The following RAB2A variants were observed in gnomAD, a reference collection of about 807,000 sequenced individuals.
RAB2A encodes ras-related protein Rab-2A.
In RAB2A, 7 loss-of-function variants were observed where a neutral mutation model predicts 32.5. That is an observed-to-expected ratio of 0.22 (90% CI 0.12 to 0.40). RAB2A has a LOEUF of 0.40. Among genes scored for constraint, RAB2A ranks in the 10% least tolerant of loss-of-function variants. The pLI, the probability that RAB2A is intolerant of heterozygous loss-of-function variation, is 1.00. For synonymous variants in RAB2A, 79 were observed against 85.2 expected (o/e 0.93, Z 0.40); for missense variants, 108 against 260.7 (o/e 0.41, Z 4.03).
chr8:60,561,448 C>T (rs1453937121), intron 2 of RAB2A, among the ~76,000 whole-genome samples: 3 of 152,186 alleles, frequency 2.0e-5, no homozygotes, highest in Non-Finnish European at 2.9e-5. Context: ...AGCCTGGAAC[C>T]AGAGCTCAGA....
intron 6 of RAB2A, among the ~76,000 whole-genome samples, chr8:60,614,861 A>G (rs1804423030): frequency 6.6e-6 from 1 of 152,166 alleles, no homozygotes; most frequent in African/African-American, 2.4e-5. Flanking sequence ...GGGAAAGGAA[A>G]GGCTAGTGGT....
intron 6 of RAB2A, among the ~76,000 whole-genome samples, chr8:60,603,527 ACG>A (rs1804174077): frequency 6.6e-6 from 1 of 152,262 alleles, no homozygotes; most frequent in Non-Finnish European, 1.5e-5. Context: ...AAAAGAGGCA[ACG>A]TGGTAAATGA....
intron 3 of RAB2A, among the ~76,000 whole-genome samples, chr8:60,582,321 A>G (rs1360704156): frequency 2.0e-5 from 3 of 152,154 alleles, no homozygotes. Context: ...TGTCTAATTT[A>G]GCATGACATT....
At chr8:60,527,713 T>C (rs1455772604) in intron 1 of RAB2A, among the ~76,000 whole-genome samples, 1 of 152,252 alleles carries the variant, frequency 6.6e-6, no homozygotes, top group African/African-American at 2.4e-5. Context: ...CCTGCTCATT[T>C]ACCCTAATCA....
At chr8:60,546,977 G>A (rs964541082) in intron 1 of RAB2A, among the ~76,000 whole-genome samples, 5 of 148,558 alleles carry the variant, frequency 3.4e-5, no homozygotes, top group African/African-American at 1.3e-4. Context: ...GACAATAGTG[G>A]AGGGAAGGTC....
At chr8:60,605,986 T>A (rs181980408) in intron 6 of RAB2A, among the ~76,000 whole-genome samples, 2,117 of 152,002 alleles carry the variant, frequency 0.014, 26 homozygotes, top group Non-Finnish European at 0.02. Context: ...TCATCTGTAC[T>A]AAAAATACAA....
chr8:60,598,962 A>AAAAAAAAAAAAAAAAAG, intron 6 of RAB2A, among the ~76,000 whole-genome samples: 2 of 145,934 alleles, frequency 1.4e-5, no homozygotes, highest in African/African-American at 5.3e-5. Flanking sequence ...AAAAAAAAAA[A>AAAAAAAAAAAAAAAAAG]AAAAGAAAAG....
intron 2 of RAB2A, among the ~76,000 whole-genome samples, chr8:60,563,940 G>T (rs1331516783): frequency 6.6e-6 from 1 of 152,102 alleles, no homozygotes; most frequent in East Asian, 1.9e-4. Flanking sequence ...CTAAACCATA[G>T]GTTAAATCTA....
At chr8:60,535,131 G>A (rs1807538600) in intron 1 of RAB2A, among the ~76,000 whole-genome samples, 1 of 152,066 alleles carries the variant, frequency 6.6e-6, no homozygotes. Flanking sequence ...AATCAAAATT[G>A]TCTGTTTCAC....
intron 1 of RAB2A, among the ~76,000 whole-genome samples, chr8:60,553,240 C>T (rs974480288): frequency 6.6e-6 from 1 of 152,164 alleles, no homozygotes; most frequent in African/African-American, 2.4e-5. Flanking sequence ...GCTGGACAAG[C>T]AAGTCTGAAA....
chr8:60,584,470 T>C (rs879319461), intron 4 of RAB2A, among the ~76,000 whole-genome samples, 180 bp downstream of exon 4: 3 of 152,244 alleles, frequency 2.0e-5, no homozygotes, highest in Non-Finnish European at 2.9e-5. Flanking sequence ...GTTTTTCTTA[T>C]TTGAATTAGC....
intron 3 of RAB2A, among the ~76,000 whole-genome samples, chr8:60,577,042 CTT>C (rs5891770): frequency 2.1e-4 from 31 of 149,580 alleles, no homozygotes; most frequent in Admixed American, 2.0e-3. Context: ...CCTATTTTAT[CTT>C]TTTTTTTTTC....
At chr8:60,576,092 A>G (rs867270897) in intron 3 of RAB2A, 6 of 388,112 alleles carry the variant, frequency 1.5e-5, no homozygotes, top group Middle Eastern at 8.3e-4. Context: ...CATGAAGGCC[A>G]TCAATCAGTT....
intron 1 of RAB2A, among the ~76,000 whole-genome samples, chr8:60,539,698 T>C (rs1807610356): frequency 6.6e-6 from 1 of 152,240 alleles, no homozygotes; most frequent in African/African-American, 2.4e-5. Context: ...GGGCTCTGAC[T>C]GAGGAACTGG....
In RAB2A at chr8:60,558,835, T is replaced by G. The variant is rs748977777; in HGVS notation, c.47-17T>G. ...TCTGTGAATTTTGTCTCTTATTTAT[T>G]TTTTTTTAACTTTCAGGTGTTGGTA... On this transcript the variant is annotated splice_polypyrimidine_tract_variant and intron_variant, in intron 1 of 7. Coordinates refer to ENST00000262646, the MANE Select transcript of RAB2A (RefSeq NM_002865.3). 1 of 1,600,654 alleles carries G rather than the reference T, an allele frequency of 6.2e-7. No individual in the cohort carries two copies. Among genetic ancestry groups the G allele is most frequent in the South Asian group, 1.1e-5 (1 of 90,544 alleles).
In RAB2A at chr8:60,546,286, A is replaced by G. The variant is rs1330585700; in HGVS notation, c.47-12566A>G. Among the ~76,000 whole-genome samples the G allele has an allele frequency of 2.6e-5, 4 of 152,228 alleles. 1 individual carries two copies. Among genetic ancestry groups the G allele is most frequent in the South Asian group, 4.1e-4 (2 of 4,832 alleles). Reference sequence around the variant, plus strand: ...AGCCTTCTCAAACCTATCAGGTTTAAGATTCTAGTTAGTGATATTTCCTAC... The same window carrying G: ...AGCCTTCTCAAACCTATCAGGTTTAGGATTCTAGTTAGTGATATTTCCTAC... On this transcript the variant is annotated intron_variant, in intron 1 of 7. Coordinates refer to ENST00000262646, the MANE Select transcript of RAB2A (RefSeq NM_002865.3).
rs1807215383 is a variant in RAB2A, at chr8:60,517,044, G to C, written c.-164G>C. ...CCCTCGGCTCTGCGGGTGTCAGTTCGTCCGGCTTCCTCACAGCCCCTCACT... is the reference window on the plus strand; with the variant it reads ...CCCTCGGCTCTGCGGGTGTCAGTTCCTCCGGCTTCCTCACAGCCCCTCACT... On this transcript the variant is annotated 5_prime_UTR_variant, in exon 1 of 8. Coordinates refer to ENST00000262646, the MANE Select transcript of RAB2A (RefSeq NM_002865.3). The C allele has an allele frequency of 3.3e-6, 2 of 606,140 alleles. No homozygotes were observed. Among genetic ancestry groups the C allele is most frequent in the Non-Finnish European group, 5.3e-6 (2 of 376,802 alleles). 37.5% of individuals were successfully genotyped at this position (606,140 alleles called of 1,614,324 possible).
intron 1 of RAB2A, among the ~76,000 whole-genome samples, chr8:60,531,991 G>C (rs914612747): frequency 6.6e-6 from 1 of 152,034 alleles, no homozygotes; most frequent in African/African-American, 2.4e-5. Context: ...TTTTAGTAGA[G>C]ACAGGGTTTC....
intron 2 of RAB2A, among the ~76,000 whole-genome samples, chr8:60,568,896 G>T (rs1255729704): frequency 6.6e-6 from 1 of 152,164 alleles, no homozygotes; most frequent in African/African-American, 2.4e-5. Context: ...AAAGGAGAAG[G>T]AAACCTTTCT....
Sources: gnomAD v4.1 joint callset for allele counts (sites outside exome capture counted in the v4.1 genomes callset) on GRCh38, gnomAD v4.1.1 for gene constraint, MANE v1.5 for transcripts, NCBI Gene and HGNC (gene_info 2026-07-23, HGNC 2026-07-21) for gene names.